The following CSMD3 variants were observed in gnomAD, a reference collection of about 807,000 sequenced individuals.
CSMD3 encodes CUB and Sushi multiple domains 3, also known as CUB and sushi domain-containing protein 3.
Under a neutral mutation model 435.2 loss-of-function variants are expected in CSMD3, and 177 were observed. The observed-to-expected ratio is 0.41, with a 90% CI of 0.36 to 0.46. CSMD3 has a LOEUF of 0.46. CSMD3 is among the 20% of genes least tolerant of loss of function. CSMD3 has a pLI of 0.34. For synonymous variants in CSMD3, 1,656 were observed against 1,520.5 expected (o/e 1.09, Z -2.07); for missense variants, 4,265 against 4,504.6 (o/e 0.95, Z 1.52).
intron 13 of CSMD3, among the ~76,000 whole-genome samples, chr8:112,708,908 A>T (rs551645774): frequency 2.0e-5 from 3 of 152,024 alleles, no homozygotes; most frequent in South Asian, 4.1e-4. Flanking sequence ...GCTTATCTTC[A>T]GCTTCCCCAT....
intron 1 of CSMD3, among the ~76,000 whole-genome samples, chr8:113,392,955 ATATGTGTG>A (rs758451047): frequency 6.9e-6 from 1 of 144,714 alleles, no homozygotes; most frequent in East Asian, 2.0e-4. Context: ...ATATATATAT[ATATGTGTG>A]TGTGTGTGTG....
chr8:113,065,168 T>C (rs1247822177), intron 5 of CSMD3, among the ~76,000 whole-genome samples: 1 of 152,178 alleles, frequency 6.6e-6, no homozygotes, highest in African/African-American at 2.4e-5. Flanking sequence ...CTAACCTATA[T>C]TATTTTGCAA....
At chr8:113,370,538 C>G (rs1249010249) in intron 1 of CSMD3, among the ~76,000 whole-genome samples, 2 of 151,732 alleles carry the variant, frequency 1.3e-5, no homozygotes, top group Non-Finnish European at 3.0e-5. Flanking sequence ...TAAATTTTCT[C>G]AAAATTAAGC....
chr8:112,867,251 C>T (rs1460023280), intron 10 of CSMD3, among the ~76,000 whole-genome samples: 2 of 152,122 alleles, frequency 1.3e-5, no homozygotes, highest in Non-Finnish European at 2.9e-5. Context: ...CTTTGCTCAA[C>T]CATCATCATT....
intron 5 of CSMD3, among the ~76,000 whole-genome samples, chr8:113,034,644 A>G (rs2087261114): frequency 6.6e-6 from 1 of 152,126 alleles, no homozygotes; most frequent in South Asian, 2.1e-4. Flanking sequence ...TATAATAAAT[A>G]CCCTTTGACT....
intron 28 of CSMD3, among the ~76,000 whole-genome samples, chr8:112,511,432 T>C (rs866532936): frequency 2.2e-5 from 3 of 138,236 alleles, no homozygotes; most frequent in Non-Finnish European, 4.6e-5. Context: ...CTCTGTTGCC[T>C]AGGCTGGAGT....
intron 3 of CSMD3, among the ~76,000 whole-genome samples, chr8:113,177,987 TGAAAGA>T (rs2092371924): frequency 6.6e-6 from 1 of 151,962 alleles, no homozygotes; most frequent in Non-Finnish European, 1.5e-5. Context: ...CTCTATTAGT[TGAAAGA>T]AAAGATCAAT....
intron 22 of CSMD3, among the ~76,000 whole-genome samples, chr8:112,634,085 A>T (rs1444894314): frequency 2.0e-5 from 3 of 152,060 alleles, no homozygotes; most frequent in African/African-American, 7.2e-5. Context: ...CAAGTATGAA[A>T]TAGAGAATTG....
At chr8:112,557,675 G>A (rs1267223129) in intron 24 of CSMD3, among the ~76,000 whole-genome samples, 4 of 151,828 alleles carry the variant, frequency 2.6e-5, no homozygotes, top group Non-Finnish European at 5.9e-5. Flanking sequence ...ATGCTAGAAG[G>A]GTGATATACC....
At chr8:112,964,465 G>T (rs1283363531) in intron 7 of CSMD3, among the ~76,000 whole-genome samples, 4 of 151,922 alleles carry the variant, frequency 2.6e-5, no homozygotes, top group African/African-American at 4.8e-5. Context: ...TCTGATGATA[G>T]TGCCAAGTAT....
At chr8:112,770,153 CGTT>C (rs1186986674) in intron 13 of CSMD3, among the ~76,000 whole-genome samples, 1 of 151,952 alleles carries the variant, frequency 6.6e-6, no homozygotes, top group African/African-American at 2.4e-5. Context: ...TCATACAACT[CGTT>C]GGCTCCATCA....
At chr8:112,407,036 G>T (rs28659833) in intron 34 of CSMD3, among the ~76,000 whole-genome samples, 2,517 of 151,966 alleles carry the variant, frequency 0.017, 35 homozygotes, top group Non-Finnish European at 0.025. Context: ...TTTGTAATTT[G>T]TGGGATGAAA....
At chr8:113,036,113 T>C (rs1409104617) in intron 5 of CSMD3, among the ~76,000 whole-genome samples, 3 of 152,006 alleles carry the variant, frequency 2.0e-5, no homozygotes, top group Admixed American at 2.0e-4. Context: ...AGATTAATAA[T>C]TTTATTTATT....
intron 32 of CSMD3, among the ~76,000 whole-genome samples, chr8:112,466,337 G>C (rs1817954833): frequency 6.6e-6 from 1 of 152,020 alleles, no homozygotes; most frequent in Admixed American, 6.6e-5. Context: ...GAGAAAATTG[G>C]TGGCAATAAA....
chr8:112,232,742 C>T (rs1338698026), intron 68 of CSMD3, among the ~76,000 whole-genome samples: 4 of 152,154 alleles, frequency 2.6e-5, no homozygotes, highest in Admixed American at 1.3e-4. Flanking sequence ...CATTGAGCTG[C>T]AAGAAAAAGG....
intron 24 of CSMD3, among the ~76,000 whole-genome samples, chr8:112,560,013 C>T (rs1828476016): frequency 1.3e-5 from 2 of 151,730 alleles, no homozygotes; most frequent in African/African-American, 4.8e-5. Flanking sequence ...CTTTTATAGG[C>T]ATAGATTCTT....
chr8:112,592,202 T>C (rs984909192), intron 22 of CSMD3, among the ~76,000 whole-genome samples: 1 of 152,188 alleles, frequency 6.6e-6, no homozygotes, highest in Non-Finnish European at 1.5e-5. Flanking sequence ...ATTTCAATAA[T>C]ACTTGGATTT....
intron 35 of CSMD3, among the ~76,000 whole-genome samples, chr8:112,395,415 T>C (rs540291754): frequency 6.6e-6 from 1 of 152,318 alleles, no homozygotes; most frequent in South Asian, 2.1e-4. Context: ...AATGGATAGA[T>C]GAATAAATGG....
At chr8:113,179,215 A>G (rs10109829) in intron 3 of CSMD3, among the ~76,000 whole-genome samples, 2,011 of 149,364 alleles carry the variant, frequency 0.013, 50 homozygotes, top group African/African-American at 0.049. Context: ...TACATAAAAC[A>G]GTATATGTTA....
Sources: allele counts gnomAD v4.1 joint callset (sites outside exome capture counted in the v4.1 genomes callset), GRCh38; gene constraint gnomAD v4.1.1; transcripts MANE v1.5; gene names NCBI Gene and HGNC (gene_info 2026-07-23, HGNC 2026-07-21).